BNIP5: variants seen among roughly 807,000 people sequenced by gnomAD.
BNIP5 encodes BCL2 interacting protein 5.
BNIP5 carries 61 observed loss-of-function variants against 67.3 expected under a neutral mutation model. The observed-to-expected ratio is 0.91, with a 90% CI of 0.74 to 1.12. The LOEUF is 1.12. Among genes scored for constraint, BNIP5 ranks in the 50% most tolerant of loss-of-function variants. The pLI, the probability that BNIP5 is intolerant of heterozygous loss-of-function variation, is 0.00. For synonymous variants in BNIP5, 317 were observed against 319.0 expected (o/e 0.99, Z 0.07); for missense variants, 826 against 816.3 (o/e 1.01, Z -0.14).
rs1253221008 is a variant in BNIP5, at chr6:36,316,440, T to A, written c.*916A>T. 1.5e-5 allele frequency: 6 copies of A among 398,298 alleles called. No homozygotes were observed. The highest frequency in any genetic ancestry group is 2.7e-5 in the Non-Finnish European group (6 of 226,082). The allele number at this position is 398,298 out of a possible 1,614,324, so 24.7% of individuals were successfully genotyped here. A position where few individuals can be genotyped will look rare whatever the true frequency, so the allele number is the denominator to read the frequency against. On this transcript the variant is annotated 3_prime_UTR_variant, in exon 12 of 12. Coordinates refer to ENST00000437635, the MANE Select transcript of BNIP5 (RefSeq NM_001010903.5). The stretch of plus-strand genomic sequence containing the variant: ...AAAAAATAGCCCTTTTCTCAAGACA[T>A]GTTACTGCTACCAGCTGCAAAACTG...
At chr6:36,335,905 T>C (rs902330795) in intron 1 of BNIP5, among the ~76,000 whole-genome samples, 4 of 152,184 alleles carry the variant, frequency 2.6e-5, no homozygotes, top group Non-Finnish European at 5.9e-5. Flanking sequence ...CACTTACACA[T>C]GGACTTAGGG....
In BNIP5 at chr6:36,325,446, TTGTC is replaced by T. The variant is rs781701558; in HGVS notation, c.1037-36_1037-33del. 31 of 1,593,632 alleles carry T rather than the reference TTGTC, an allele frequency of 1.9e-5. No individual in the cohort carries two copies. In the African/African-American group the frequency reaches 3.9e-4, roughly 20 times the overall value. ...AGCAGAAGGAGAACGAGGGTGTGTT[TTGTC>T]TGTCTGGGGCTGTTAACTATGCACA... On this transcript the variant is annotated intron_variant, in intron 5 of 11. Transcript: ENST00000437635.
In BNIP5 at chr6:36,330,710, A is replaced by G. The variant is rs766018356; in HGVS notation, c.-4-16T>C. On this transcript the variant is annotated splice_polypyrimidine_tract_variant and intron_variant, in intron 1 of 11. Coordinates refer to ENST00000437635, the MANE Select transcript of BNIP5 (RefSeq NM_001010903.5). ...CTCCATCGGGCTGCAACCAAAACAC[A>G]CAGCTCCCTTAGTTTTTTTGTTTGT... 1.3e-6 allele frequency: 2 copies of G among 1,529,938 alleles called. No homozygotes were observed. The highest frequency in any genetic ancestry group is 8.7e-7 in the Non-Finnish European group (1 of 1,149,210). The allele number at this position is 1,529,938 out of a possible 1,614,324, so 94.8% of individuals were successfully genotyped here.
rs532175303 is a variant in BNIP5, at chr6:36,316,543, C to T, written c.*813G>A. On this transcript the variant is annotated 3_prime_UTR_variant, in exon 12 of 12. Transcript: ENST00000437635. The stretch of plus-strand genomic sequence containing the variant: ...GAGTATGGTGCTCTTGAGCAGTGCA[C>T]CCCTGTGCAACAATCCATGGCAGTC... The T allele has an allele frequency of 2.5e-6, 1 of 398,572 alleles. No individual in the cohort carries two copies. Among genetic ancestry groups the T allele is most frequent in the East Asian group, 3.6e-5 (1 of 28,102 alleles). The allele number at this position is 398,572 out of a possible 1,614,324, so 24.7% of individuals were successfully genotyped here.
chr6:36,325,169 G>C (rs1410905191), intron 6 of BNIP5, 114 bp downstream of exon 6: 14 of 1,181,604 alleles, frequency 1.2e-5, no homozygotes, highest in Non-Finnish European at 6.2e-6. Context: ...GCTGTACTCA[G>C]AGGGAGGTCT....
At chr6:36,320,758 G>A (rs892989586) in intron 10 of BNIP5, among the ~76,000 whole-genome samples, 4 of 152,198 alleles carry the variant, frequency 2.6e-5, no homozygotes, top group African/African-American at 4.8e-5. Context: ...CGGCAAGACC[G>A]AGAGTGAACC....
chr6:36,319,428 A>T lies in BNIP5; in HGVS notation c.1851T>A (p.His617Gln). 6.2e-7 allele frequency: 1 copy of T among 1,614,126 alleles called. No homozygotes were observed. Among genetic ancestry groups the T allele is most frequent in the Non-Finnish European group, 8.5e-7 (1 of 1,179,986 alleles). ...LANKFAGSNS[H>Q]AMCILMGLRD... ...TTAGGCCCATGAGGATGCACATGGC[A>T]TGGCTGTTGCTGCCAGCAAATTTGT... The change falls in exon 11 of 12, where the codon CAT (histidine) becomes CAA (glutamine). Residue 617 changes from histidine (H) to glutamine (Q), a missense_variant. Transcript: ENST00000437635.
At chr6:36,334,243 C>G (rs1771965968) in intron 1 of BNIP5, among the ~76,000 whole-genome samples, 1 of 152,170 alleles carries the variant, frequency 6.6e-6, no homozygotes, top group Admixed American at 6.5e-5. Context: ...GCCCTGAGCC[C>G]CCGGGGAGAT....
At chr6:36,329,371 C>T (rs182961529) in intron 2 of BNIP5, among the ~76,000 whole-genome samples, 25 of 152,286 alleles carry the variant, frequency 1.6e-4, no homozygotes, top group African/African-American at 4.3e-4. Flanking sequence ...GAGACAGTAA[C>T]GTTATATTTA....
chr6:36,325,482 A>G (rs1771741750), intron 5 of BNIP5, 68 bp from the exon 6 acceptor site: 5 of 1,528,300 alleles, frequency 3.3e-6, no homozygotes, highest in Non-Finnish European at 4.4e-6. Context: ...CACAGAAGCT[A>G]GCACAAACTA....
chr6:36,322,180 AG>A, intron 9 of BNIP5, 130 bp downstream of exon 9: 1 of 1,168,420 alleles, frequency 8.6e-7, no homozygotes, highest in Non-Finnish European at 1.3e-6. Flanking sequence ...CCCATCCTAG[AG>A]TCTCCTGGGG....
At chr6:36,327,155 T>C in intron 3 of BNIP5, 61 bp from the exon 4 acceptor site, 1 of 1,438,446 alleles carries the variant, frequency 7.0e-7, no homozygotes, top group Non-Finnish European at 9.8e-7. Flanking sequence ...TCCTTCTAAA[T>C]TACCATCTTG....
At chr6:36,321,099 C>T (rs1771626143) in intron 10 of BNIP5, 56 bp downstream of exon 10, 5 of 633,684 alleles carry the variant, frequency 7.9e-6, no homozygotes, top group Non-Finnish European at 1.2e-5. Context: ...GGGATGGAAC[C>T]CAGGTGGGTA....
At chr6:36,329,537 G>A (rs1467467961) in intron 2 of BNIP5, among the ~76,000 whole-genome samples, 2 of 152,174 alleles carry the variant, frequency 1.3e-5, no homozygotes, top group Admixed American at 6.5e-5. Flanking sequence ...TGGGCCGGGC[G>A]TGGTGGCTCA....
At chr6:36,324,575 TTATATATATA>T (rs58409463) in intron 6 of BNIP5, among the ~76,000 whole-genome samples, 3 of 50,826 alleles carry the variant, frequency 5.9e-5, no homozygotes, top group South Asian at 9.3e-4. Context: ...GACGGTGATA[TTATATATATA>T]TATATATATA....
chr6:36,336,113 T>C (rs1255497841), intron 1 of BNIP5, among the ~76,000 whole-genome samples: 1 of 152,128 alleles, frequency 6.6e-6, no homozygotes, highest in East Asian at 1.9e-4. Flanking sequence ...TGGGTTATAA[T>C]CCACCTCCCA....
intron 2 of BNIP5, among the ~76,000 whole-genome samples, chr6:36,329,584 G>A (rs761911451): frequency 3.3e-5 from 5 of 152,114 alleles, no homozygotes; most frequent in African/African-American, 7.2e-5. Context: ...GCCACAGCCC[G>A]TGGATCACTT....
At chr6:36,324,575 T>TTA (rs58409463) in intron 6 of BNIP5, among the ~76,000 whole-genome samples, 2 of 50,836 alleles carry the variant, frequency 3.9e-5, no homozygotes, top group Non-Finnish European at 7.7e-5. Context: ...GACGGTGATA[T>TTA]TATATATATA....
At chr6:36,325,163 T>C in intron 6 of BNIP5, 120 bp downstream of exon 6, 1 of 1,111,914 alleles carries the variant, frequency 9.0e-7, no homozygotes, top group Non-Finnish European at 1.3e-6. Flanking sequence ...CAGCCTGCTG[T>C]ACTCAGAGGG....
Sources: gnomAD v4.1 joint callset for allele counts (sites outside exome capture counted in the v4.1 genomes callset) on GRCh38, gnomAD v4.1.1 for gene constraint, MANE v1.5 for transcripts, NCBI Gene and HGNC (gene_info 2026-07-23, HGNC 2026-07-21) for gene names.